COL22A1: variants seen among roughly 807,000 people sequenced by gnomAD.
COL22A1 encodes collagen type XXII alpha 1 chain.
Under a neutral mutation model 248.9 loss-of-function variants are expected in COL22A1, and 221 were observed. The ratio of observed to expected loss-of-function variants is 0.89; its 90% CI spans 0.80 to 0.99. The LOEUF (loss-of-function observed/expected upper bound fraction) is 0.99, where lower values mean the gene tolerates loss of function less well. Among genes scored for constraint, COL22A1 ranks in the 50% least tolerant of loss-of-function variants. The pLI is 0.00. For missense variants in COL22A1, 2,240 were observed against 2,179.0 expected, an observed-to-expected ratio of 1.03 and a Z score of -0.56; for synonymous variants, 891 against 793.4, an observed-to-expected ratio of 1.12 and a Z score of -2.07.
intron 17 of COL22A1, 73 bp from the exon 18 acceptor site, chr8:138,760,360 G>T: frequency 7.1e-7 from 1 of 1,411,802 alleles, no homozygotes; most frequent in African/African-American, 1.4e-5. Context: ...GGGAGAAACA[G>T]GTTGAAAGAC....
chr8:138,724,827 T>G (rs1313135685), intron 24 of COL22A1, among the ~76,000 whole-genome samples, 159 bp from the exon 25 acceptor site: 1 of 152,230 alleles, frequency 6.6e-6, no homozygotes, highest in Non-Finnish European at 1.5e-5. Context: ...GCGGAGTTGT[T>G]GCACCTCTGA....
chr8:138,693,559 G>T, intron 35 of COL22A1, 87 bp downstream of exon 35: 1 of 1,381,646 alleles, frequency 7.2e-7, no homozygotes, highest in Non-Finnish European at 1.0e-6. Context: ...AGCTAGCCCA[G>T]AGCTGTGAGC....
Position 138,630,745 on chromosome 8 carries a change from C to G in COL22A1, c.3613G>C (p.Ala1205Pro). The G allele has an allele frequency of 1.2e-6, 2 of 1,613,810 alleles. No individual in the cohort carries two copies. Among genetic ancestry groups the G allele is most frequent in the Non-Finnish European group, 1.7e-6 (2 of 1,179,796 alleles). Residue 1205 changes from alanine (A) to proline (P), a missense_variant, in exon 50 of 65, where the codon GCA (alanine) becomes CCA (proline). Transcript: ENST00000303045. ...GPPGNPGPPG[A>P]DGIAGAAGPP... ...CCAGCAGCTCCTGCAATTCCATCTG[C>G]CCCCTAAAAAAGACAAGGCAGAAAG...
At chr8:138,710,599 C>A (rs13274452) in intron 30 of COL22A1, among the ~76,000 whole-genome samples, 47,695 of 98,550 alleles carry the variant, frequency 0.48, 7,910 homozygotes, top group Non-Finnish European at 0.51. Flanking sequence ...ATCTATCTAT[C>A]TATCTATCTA....
intron 62 of COL22A1, 107 bp downstream of exon 62, chr8:138,596,797 G>T: frequency 2.0e-6 from 2 of 995,894 alleles, no homozygotes; most frequent in Non-Finnish European, 3.1e-6. Context: ...TTGAGCTGCC[G>T]GTCAAGTGCT....
chr8:138,680,338 C>T (rs977601333), intron 39 of COL22A1, among the ~76,000 whole-genome samples: 2 of 152,102 alleles, frequency 1.3e-5, no homozygotes, highest in African/African-American at 2.4e-5. Context: ...CTCCTTCATA[C>T]GGAAAAGGAA....
chr8:138,876,583 T>C (rs1413826898), intron 3 of COL22A1, among the ~76,000 whole-genome samples: 1 of 152,222 alleles, frequency 6.6e-6, no homozygotes, highest in Admixed American at 6.5e-5. Context: ...AAAAGGGTCA[T>C]ACTGTGGTAA....
chr8:138,761,284 G>A (rs1264959198), intron 17 of COL22A1, among the ~76,000 whole-genome samples: 1 of 152,114 alleles, frequency 6.6e-6, no homozygotes, highest in Non-Finnish European at 1.5e-5. Flanking sequence ...TGGCAACCAG[G>A]CACTGCACGA....
intron 5 of COL22A1, 132 bp from the exon 6 acceptor site, chr8:138,826,913 C>T: frequency 9.0e-7 from 1 of 1,109,942 alleles, no homozygotes; most frequent in Non-Finnish European, 1.3e-6. Flanking sequence ...CATCCACCTT[C>T]TTGGCCTGCC....
chr8:138,794,917 G>C lies in COL22A1; in HGVS notation c.1596+1902C>G, dbSNP rs1219276563. On this transcript the variant is annotated intron_variant, in intron 12 of 64. Coordinates refer to ENST00000303045, the MANE Select transcript of COL22A1 (RefSeq NM_152888.3). ...TCCAGGGGTTGGGGGAGAGGAAATGGGGAGATGCCAATTAATGGGCAAAAA... is the reference window on the plus strand; with the variant it reads ...TCCAGGGGTTGGGGGAGAGGAAATGCGGAGATGCCAATTAATGGGCAAAAA... Among the ~76,000 whole-genome samples the C allele has an allele frequency of 3.3e-5, 5 of 152,054 alleles. No individual in the cohort carries two copies. The South Asian group carries it at 6.2e-4, about 19-fold the overall frequency.
chr8:138,902,737 TATACAC>T lies in COL22A1; in HGVS notation c.-73+10876_-73+10881del, dbSNP rs1187480850. Among the ~76,000 whole-genome samples the T allele has an allele frequency of 7.7e-3, 828 of 107,020 alleles. 5 individuals carry two copies. Among genetic ancestry groups the T allele is most frequent in the African/African-American group, 0.018 (483 of 26,524 alleles). The allele number at this position is 107,020 out of a possible 152,430, so 70.2% of individuals were successfully genotyped here. On this transcript the variant is annotated intron_variant, in intron 1 of 64. Transcript: ENST00000303045. ...AAAAAAATTTATAAATATATATATA[TATACAC>T]ACACACACACACACACACACACACA...
chr8:138,639,422 G>T (rs1235420075), intron 47 of COL22A1, among the ~76,000 whole-genome samples: 1 of 152,202 alleles, frequency 6.6e-6, no homozygotes, highest in Non-Finnish European at 1.5e-5. Flanking sequence ...GACTGACCAT[G>T]CTGAGCATAG....
At chr8:138,655,975 G>T in intron 44 of COL22A1, 31 bp from the exon 45 acceptor site, 1 of 1,547,758 alleles carries the variant, frequency 6.5e-7, no homozygotes, top group Non-Finnish European at 8.9e-7. Flanking sequence ...AAACACATAC[G>T]TACATGCATA....
chr8:138,704,622 A>G (rs150926652), intron 30 of COL22A1, among the ~76,000 whole-genome samples: 6,615 of 152,324 alleles, frequency 0.043, 194 homozygotes, highest in East Asian at 0.12. Context: ...CCCCATCTGT[A>G]CATCACCATC....
At chr8:138,842,341 A>G (rs979031719) in intron 4 of COL22A1, among the ~76,000 whole-genome samples, 2 of 152,350 alleles carry the variant, frequency 1.3e-5, no homozygotes, top group African/African-American at 2.4e-5. Context: ...CACTATTGTC[A>G]TAATGATTCC....
intron 53 of COL22A1, among the ~76,000 whole-genome samples, chr8:138,617,922 A>C (rs2131922241): frequency 6.6e-6 from 1 of 152,250 alleles, no homozygotes; most frequent in South Asian, 2.1e-4. Flanking sequence ...GTTATTCAAA[A>C]CAGTCCAGCT....
rs1450737729 is a variant in COL22A1 at position 138,833,137 on chromosome 8, C to T, written c.747G>A (p.Met249Ile). 6.2e-7 allele frequency: 1 copy of T among 1,612,028 alleles called. No individual in the cohort carries two copies. Among genetic ancestry groups the T allele is most frequent in the African/African-American group, 1.3e-5 (1 of 75,012 alleles). The change falls in exon 5 of 65, where the codon ATG (methionine) becomes ATA (isoleucine). Residue 249 changes from methionine (M) to isoleucine (I), a missense_variant. Met to Ile is a conservative substitution (Grantham distance 10). Coordinates refer to ENST00000303045, the MANE Select transcript of COL22A1 (RefSeq NM_152888.3). The stretch of plus-strand genomic sequence containing the variant: ...AGATTTCCTTCACACTGAACAAATC[C>T]ATCAGGTCAAAACCTGTACAAAGAG... Reference protein sequence around the residue: ...GTKEITGFDLMDLFSVKEILG... With the variant: ...GTKEITGFDLIDLFSVKEILG...
intron 47 of COL22A1, among the ~76,000 whole-genome samples, chr8:138,645,056 T>G (rs1261286302): frequency 6.6e-6 from 1 of 152,174 alleles, no homozygotes; most frequent in Admixed American, 6.5e-5. Context: ...ATTGAGCTCA[T>G]CCACGCAAAG....
At chr8:138,831,235 T>C (rs1820023760) in intron 5 of COL22A1, among the ~76,000 whole-genome samples, 1 of 152,158 alleles carries the variant, frequency 6.6e-6, no homozygotes, top group African/African-American at 2.4e-5. Flanking sequence ...CCCTACTCTA[T>C]GAGCTGGCGT....
Sources: allele counts gnomAD v4.1 joint callset (sites outside exome capture counted in the v4.1 genomes callset), GRCh38; gene constraint gnomAD v4.1.1; transcripts MANE v1.5; gene names NCBI Gene and HGNC (gene_info 2026-07-23, HGNC 2026-07-21).